The following TXNDC11 variants were observed in gnomAD, a reference collection of about 807,000 sequenced individuals.
TXNDC11 encodes thioredoxin domain-containing protein 11.
A neutral mutation model predicts 78.0 loss-of-function variants in TXNDC11; 68 were observed. The observed-to-expected ratio is 0.87, with a 90% CI of 0.72 to 1.07. TXNDC11 has a LOEUF of 1.07. Among genes scored for constraint, TXNDC11 ranks in the 50% least tolerant of loss-of-function variants. TXNDC11 has a pLI of 0.00. For synonymous variants in TXNDC11, 571 were observed against 495.2 expected (o/e 1.15, Z -2.03); for missense variants, 1,389 against 1,221.8 (o/e 1.14, Z -2.04).
chr16:11,720,243 T>C (rs2051662267), intron 5 of TXNDC11, among the ~76,000 whole-genome samples: 1 of 152,158 alleles, frequency 6.6e-6, no homozygotes, highest in Admixed American at 6.5e-5. Context: ...AATACAGATG[T>C]GAGAAGCTGG....
At chr16:11,715,079 C>A (rs937391049) in intron 5 of TXNDC11, among the ~76,000 whole-genome samples, 1 of 151,764 alleles carries the variant, frequency 6.6e-6, no homozygotes, top group Admixed American at 6.6e-5. Flanking sequence ...AGTGAAACCC[C>A]GTCTCTACTA....
chr16:11,731,716 C>CGT (rs1174518451), intron 3 of TXNDC11, among the ~76,000 whole-genome samples: 1 of 151,108 alleles, frequency 6.6e-6, no homozygotes, highest in African/African-American at 2.4e-5. Flanking sequence ...CACACACACA[C>CGT]GTGATGGGAT....
intron 3 of TXNDC11, among the ~76,000 whole-genome samples, chr16:11,733,579 T>G (rs1193113290): frequency 1.3e-5 from 2 of 152,214 alleles, no homozygotes; most frequent in African/African-American, 4.8e-5. Context: ...GTAATTTTCT[T>G]CCCAATAGAA....
Position 11,698,213 on chromosome 16 carries a change from A to C in TXNDC11, c.1019T>G (p.Leu340Arg). Reference sequence around the variant, plus strand: ...TCCTTTCTTCAGCTCGTTATTCAGCAGGAGACTCTTGCCTCCGTGTGGCCG... The same window carrying C: ...TCCTTTCTTCAGCTCGTTATTCAGCCGGAGACTCTTGCCTCCGTGTGGCCG... ...WLRPHGGKSL[L>R]LNNELKKGPA... Residue 340 changes from leucine (L) to arginine (R), a missense_variant, in exon 7 of 12, where the codon CTG (leucine) becomes CGG (arginine). Coordinates refer to ENST00000283033, the MANE Select transcript of TXNDC11 (RefSeq NM_015914.7). 4 of 1,614,260 alleles carry C rather than the reference A, an allele frequency of 2.5e-6. No individual in the cohort carries two copies. The highest frequency in any genetic ancestry group is 3.4e-6 in the Non-Finnish European group (4 of 1,180,040).
chr16:11,683,869 AG>A (rs1002116409), intron 11 of TXNDC11, among the ~76,000 whole-genome samples: 1 of 150,464 alleles, frequency 6.6e-6, no homozygotes, highest in African/African-American at 2.5e-5. Context: ...CTCGTGCCTC[AG>A]CCTCAGAGTA....
At chr16:11,716,580 T>C (rs979731031) in intron 5 of TXNDC11, among the ~76,000 whole-genome samples, 9 of 152,186 alleles carry the variant, frequency 5.9e-5, no homozygotes, top group Non-Finnish European at 1.0e-4. Flanking sequence ...TGATTAAACA[T>C]TAATGAGAGA....
chr16:11,731,031 A>T (rs965657042), intron 3 of TXNDC11, among the ~76,000 whole-genome samples: 1 of 152,196 alleles, frequency 6.6e-6, no homozygotes, highest in Non-Finnish European at 1.5e-5. Flanking sequence ...CTGAATTGCC[A>T]AACAAGGAAC....
intron 5 of TXNDC11, chr16:11,703,637 G>A: frequency 1.4e-6 from 1 of 701,464 alleles, no homozygotes; most frequent in Non-Finnish European, 2.6e-6. Context: ...AGAAGACCTA[G>A]AAGTAATGAC....
In TXNDC11 at chr16:11,736,201, G is replaced by T. The variant is rs1395389918; in HGVS notation, c.287C>A (p.Pro96Gln). The T allele has an allele frequency of 4.3e-6, 7 of 1,613,076 alleles. No individual in the cohort carries two copies. Among genetic ancestry groups the T allele is most frequent in the Non-Finnish European group, 5.9e-6 (7 of 1,179,548 alleles). ...RAKDVIIPAK[P>Q]PVSFFSLRSP... Reference sequence around the variant, plus strand: ...CCTCAAGGAGAAAAAGCTGACAGGTGGCTTTGCTGGTATTATCACATCTTT... The same window carrying T: ...CCTCAAGGAGAAAAAGCTGACAGGTTGCTTTGCTGGTATTATCACATCTTT... The change falls in exon 2 of 12, where the codon CCA becomes CAA. Residue 96 changes from proline (P) to glutamine (Q), a missense_variant. By Grantham distance (76) the Pro-to-Gln change is moderately conservative. Transcript: ENST00000283033.
chr16:11,701,808 A>G (rs1404306845), intron 5 of TXNDC11, among the ~76,000 whole-genome samples: 1 of 152,140 alleles, frequency 6.6e-6, no homozygotes, highest in Admixed American at 6.5e-5. Flanking sequence ...ATGCTGGTGG[A>G]AAAAGGCAAA....
intron 5 of TXNDC11, among the ~76,000 whole-genome samples, chr16:11,713,665 C>T (rs569343578): frequency 6.6e-6 from 1 of 152,288 alleles, no homozygotes; most frequent in Admixed American, 6.5e-5. Context: ...ATCCATGCGC[C>T]TTGGCCTCCC....
At chr16:11,709,670 C>T (rs931369505) in intron 5 of TXNDC11, among the ~76,000 whole-genome samples, 3 of 151,766 alleles carry the variant, frequency 2.0e-5, no homozygotes, top group South Asian at 2.1e-4. Flanking sequence ...CTCCTGACCT[C>T]GTGATCCGCC....
At position 11,730,744 on chromosome 16, in the gene TXNDC11, C is replaced by T. The variant is rs760355524; in HGVS notation, c.600G>A (p.Met200Ile). 1.6e-5 allele frequency: 25 copies of T among 1,608,756 alleles called. No individual in the cohort carries two copies. The highest frequency in any genetic ancestry group is 3.3e-5 in the Admixed American group (2 of 59,946). The change falls in exon 4 of 12, where the codon ATG becomes ATA. Residue 200 changes from methionine (M) to isoleucine (I), a missense_variant. Coordinates refer to ENST00000283033, the MANE Select transcript of TXNDC11 (RefSeq NM_015914.7). Reference sequence around the variant, plus strand: ...CAAACTTCTCAATGTAAACAGCACTCATGGGGCCTTTGTATTCGATTGGTC... The same window carrying T: ...CAAACTTCTCAATGTAAACAGCACTTATGGGGCCTTTGTATTCGATTGGTC... Reference protein sequence around the residue: ...SFGPIEYKGPMSAVYIEKFVR... With the variant: ...SFGPIEYKGPISAVYIEKFVR...
Position 11,742,738 on chromosome 16 carries a change from TC to T in TXNDC11, c.-9del. 1 of 1,466,576 alleles carries T rather than the reference TC, an allele frequency of 6.8e-7. No homozygotes were observed. Among genetic ancestry groups the T allele is most frequent in the Non-Finnish European group, 8.9e-7 (1 of 1,117,980 alleles). The allele number at this position is 1,466,576 out of a possible 1,614,324, so 90.8% of individuals were successfully genotyped here. ...GCCTCCGCATTCCGACATTACATGC[TC>T]CCAGTCGCCGGCTTTATACCGCCGC... On this transcript the variant is annotated 5_prime_UTR_variant, in exon 1 of 12. Coordinates refer to ENST00000283033, the MANE Select transcript of TXNDC11 (RefSeq NM_015914.7).
In TXNDC11 at chr16:11,679,544, C is replaced by CGCT. The variant is rs778498362; in HGVS notation, c.2525_2527dup (p.Gln842dup). The CGCT allele has an allele frequency of 6.2e-6, 10 of 1,613,262 alleles. No individual in the cohort carries two copies. In the African/African-American group the frequency reaches 1.1e-4, roughly 17 times the overall value. On this transcript the variant is annotated inframe_insertion, in exon 12 of 12. Coordinates refer to ENST00000283033, the MANE Select transcript of TXNDC11 (RefSeq NM_015914.7). The surrounding 1 kb of genome is among the most constrained non-coding windows in gnomAD (Gnocchi z 4.6). Reference sequence around the variant, plus strand: ...CAGGCTGTGCTGCTCTTCCAGGGCCCGCTGCTGCTGCCGCAGCCGGTGCTC... The same window carrying CGCT: ...CAGGCTGTGCTGCTCTTCCAGGGCCCGCTGCTGCTGCTGCCGCAGCCGGTGCTC...
chr16:11,679,449 G>C lies in TXNDC11; in HGVS notation c.2623C>G (p.Arg875Gly), dbSNP rs768195000. The C allele has an allele frequency of 2.8e-5, 45 of 1,613,326 alleles. 1 individual carries two copies. The highest frequency in any genetic ancestry group is 9.9e-5 in the South Asian group (9 of 91,068). The change falls in exon 12 of 12, where the codon CGC becomes GGC. Residue 875 changes from arginine to glycine, a missense_variant. By Grantham distance (125) the Arg-to-Gly change is moderately radical (BLOSUM62 -2). Coordinates refer to ENST00000283033, the MANE Select transcript of TXNDC11 (RefSeq NM_015914.7). This position sits in a 1 kb window ranked among gnomAD's most constrained non-coding sequence, Gnocchi z 4.6. Reference sequence around the variant, plus strand: ...GCATCGGCCAGCTCCTGCAGCTTGCGGGCCAGCTCCTGCAGCTCACGTGTC... The same window carrying C: ...GCATCGGCCAGCTCCTGCAGCTTGCCGGCCAGCTCCTGCAGCTCACGTGTC... Reference protein sequence around the residue: ...QKTRELQELARKLQELADASE... With the variant: ...QKTRELQELAGKLQELADASE...
intron 1 of TXNDC11, 160 bp downstream of exon 1, chr16:11,742,317 G>T: frequency 1.9e-6 from 1 of 520,772 alleles, no homozygotes; most frequent in Non-Finnish European, 3.1e-6. Flanking sequence ...CGAGGAGAAG[G>T]TGGGAAGCCG....
chr16:11,717,980 G>C (rs1342615508), intron 5 of TXNDC11, among the ~76,000 whole-genome samples: 1 of 150,584 alleles, frequency 6.6e-6, no homozygotes, highest in Non-Finnish European at 1.5e-5. Flanking sequence ...AGAGAAGGCA[G>C]TTACTATTAG....
In TXNDC11 at chr16:11,679,579, G is replaced by C. The variant is rs1031836240; in HGVS notation, c.2493C>G (p.Ala831=). 7 of 1,614,068 alleles carry C rather than the reference G, an allele frequency of 4.3e-6. No homozygotes were observed. The highest frequency in any genetic ancestry group is 2.5e-6 in the Non-Finnish European group (3 of 1,180,028). The change falls in exon 12 of 12, where the codon GCC becomes GCG. Residue 831 remains alanine (A), a synonymous_variant. Transcript: ENST00000283033. The surrounding 1 kb of genome is among the most constrained non-coding windows in gnomAD (Gnocchi z 4.6). ...GCCGCAGCCGGTGCTCATCTCTGCG[G>C]GCACTGGAGAGCTGGGACTCCACCT... ...QVQVESQLSS[A]RRDEHRLRQQ...
Sources: gnomAD v4.1 joint callset for allele counts (sites outside exome capture counted in the v4.1 genomes callset) on GRCh38, gnomAD v4.1.1 for gene constraint, Gnocchi (gnomAD v3.1) non-coding constraint, MANE v1.5 for transcripts, NCBI Gene and HGNC (gene_info 2026-07-23, HGNC 2026-07-21) for gene names.